The following SYCP2 variants were observed in gnomAD, a reference collection of about 807,000 sequenced individuals.
The protein encoded by SYCP2 is synaptonemal complex lateral element protein.
In SYCP2, 55 loss-of-function variants were observed where a neutral mutation model predicts 211.3. The observed-to-expected ratio is 0.26, with a 90% confidence interval of 0.21 to 0.33. The LOEUF is 0.33. Among genes scored for constraint, SYCP2 ranks in the 10% least tolerant of loss-of-function variants. The probability of loss-of-function intolerance (pLI) is 1.00; values close to 1 mark genes in which losing one functional copy is unlikely to be tolerated. For missense variants in SYCP2, 1,731 were observed against 1,752.0 expected (o/e 0.99, Z 0.21); for synonymous variants, 570 against 555.2 (o/e 1.03, Z -0.37).
In SYCP2 at chr20:59,864,364, G is replaced by A. The variant is rs763101543; in HGVS notation, c.4540C>T (p.Arg1514Cys). Residue 1514 changes from arginine (R) to cysteine (C), a missense_variant, in exon 45 of 45, where the codon CGC becomes TGC. By Grantham distance (180) the Arg-to-Cys change is radical (BLOSUM62 -3). This residue lies in a region of SYCP2 where 1,387 missense variants were observed against 1,351.3 expected (regional missense o/e 1.03). Transcript: ENST00000357552. ...ATGAATACTGACATCAGTTCTCTGCGTACATTAAGAAGCTCCTCTTCTAGC... is the reference window on the plus strand; with the variant it reads ...ATGAATACTGACATCAGTTCTCTGCATACATTAAGAAGCTCCTCTTCTAGC... The part of the protein sequence containing the change: ...DMLEEELLNV[R>C]RELMSVFMSH... 17 of 1,599,494 alleles carry A rather than the reference G, an allele frequency of 1.1e-5. No homozygotes were observed. The highest frequency in any genetic ancestry group is 4.5e-5 in the South Asian group (4 of 88,702).
chr20:59,922,296 TATCATTGCTAAAAACA>T, intron 3 of SYCP2, 78 bp downstream of exon 3: 1 of 1,122,842 alleles, frequency 8.9e-7, no homozygotes, highest in Non-Finnish European at 1.3e-6. Context: ...ATGTAAGCTT[TATCATTGCTAAAAACA>T]TAGCACTGAA....
At chr20:59,886,641 T>C in intron 25 of SYCP2, 66 bp downstream of exon 25, 1 of 1,232,788 alleles carries the variant, frequency 8.1e-7, no homozygotes. Context: ...AATTAACCTT[T>C]TTAAAATTGT....
intron 2 of SYCP2, among the ~76,000 whole-genome samples, chr20:59,930,023 C>G (rs1006255911): frequency 2.0e-5 from 3 of 152,098 alleles, no homozygotes; most frequent in Non-Finnish European, 2.9e-5. Context: ...GCTATGCGCT[C>G]TATATAGTGT....
chr20:59,930,430 C>T (rs1416066360), intron 2 of SYCP2, among the ~76,000 whole-genome samples: 1 of 152,194 alleles, frequency 6.6e-6, no homozygotes, highest in African/African-American at 2.4e-5. Flanking sequence ...AATCCTTCCC[C>T]TGCAAAGCAA....
intron 34 of SYCP2, among the ~76,000 whole-genome samples, chr20:59,874,414 T>C (rs1397698053): frequency 6.6e-6 from 1 of 152,080 alleles, no homozygotes; most frequent in Non-Finnish European, 1.5e-5. Flanking sequence ...CAAAATTTTA[T>C]GATTGAAAAA....
At chr20:59,927,256 G>A (rs913540671) in intron 2 of SYCP2, among the ~76,000 whole-genome samples, 1 of 152,118 alleles carries the variant, frequency 6.6e-6, no homozygotes, top group African/African-American at 2.4e-5. Flanking sequence ...CTTGTAAAGG[G>A]TTTTAATCTT....
At chr20:59,866,648 C>T in intron 39 of SYCP2, 59 bp from the exon 40 acceptor site, 1 of 1,096,270 alleles carries the variant, frequency 9.1e-7, no homozygotes, top group Non-Finnish European at 1.3e-6. Context: ...CTAACCAAGA[C>T]TACAGTAACA....
intron 18 of SYCP2, among the ~76,000 whole-genome samples, chr20:59,897,182 T>C (rs935974029): frequency 6.6e-6 from 1 of 152,016 alleles, no homozygotes; most frequent in Non-Finnish European, 1.5e-5. Context: ...GATGGTGACA[T>C]ACTGCATAGA....
At chr20:59,927,662 G>C (rs931489353) in intron 2 of SYCP2, among the ~76,000 whole-genome samples, 1 of 152,138 alleles carries the variant, frequency 6.6e-6, no homozygotes, top group African/African-American at 2.4e-5. Context: ...AAATGTTAGA[G>C]AGAAATACCT....
rs2059928569 is a variant in SYCP2, at chr20:59,892,613, T to C, written c.1882A>G (p.Asn628Asp). ...WTPVTNIELC[N>D]NQRASTSSGD... ...GACGAAGTACTTGCTCTTTGGTTAT[T>C]ACATAGTTCAATGTTTGTTACAGGT... is the stretch of plus-strand genomic sequence containing the variant. The change falls in exon 23 of 45, where the codon AAT (asparagine) becomes GAT (aspartate). Residue 628 changes from asparagine (N) to aspartate (D), a missense_variant. Physicochemically the swap from Asn to Asp is conservative, Grantham distance 23. This residue lies in a region of SYCP2 where 1,387 missense variants were observed against 1,351.3 expected (regional missense o/e 1.03). Coordinates refer to ENST00000357552, the MANE Select transcript of SYCP2 (RefSeq NM_014258.4). 2 of 1,610,236 alleles carry C rather than the reference T, an allele frequency of 1.2e-6. No homozygotes were observed. Among genetic ancestry groups the C allele is most frequent in the East Asian group, 4.5e-5 (2 of 44,722 alleles).
intron 38 of SYCP2, 109 bp from the exon 39 acceptor site, chr20:59,867,956 C>A: frequency 1.4e-6 from 1 of 724,858 alleles, no homozygotes; most frequent in South Asian, 2.1e-5. Flanking sequence ...CTATGTGTAA[C>A]CTAAGGATTA....
In SYCP2 at chr20:59,919,567, T is replaced by A. The variant is rs754707613; in HGVS notation, c.328A>T (p.Ile110Phe). The change falls in exon 6 of 45, where the codon ATT (isoleucine) becomes TTT (phenylalanine). Residue 110 changes from isoleucine (I) to phenylalanine (F), a missense_variant. Ile to Phe is a conservative substitution (Grantham distance 21). Coordinates refer to ENST00000357552, the MANE Select transcript of SYCP2 (RefSeq NM_014258.4). The part of the protein sequence containing the change: ...MVAWFEKSKD[I>F]IQSQGNSKDE... ...TTTGAATTTCCTTGACTCTGAATAA[T>A]GTCCTTGGATTTTTCAAACCAGGCA... The A allele has an allele frequency of 6.2e-7, 1 of 1,609,474 alleles. No individual in the cohort carries two copies. The highest frequency in any genetic ancestry group is 1.7e-5 in the Admixed American group (1 of 59,444).
chr20:59,885,078 AAG>A (rs2059760477), intron 26 of SYCP2: 1 of 152,044 alleles, frequency 6.6e-6, no homozygotes, highest in East Asian at 1.9e-4. Context: ...GGAGAAGAAA[AAG>A]AGAATACTTA....
In SYCP2 at chr20:59,875,280, C is replaced by T; in HGVS notation, c.3340G>A (p.Val1114Ile). The change falls in exon 34 of 45, where the codon GTA becomes ATA. Residue 1114 changes from valine to isoleucine, a missense_variant. Physicochemically the swap from Val to Ile is conservative, Grantham distance 29. Coordinates refer to ENST00000357552, the MANE Select transcript of SYCP2 (RefSeq NM_014258.4). Reference sequence around the variant, plus strand: ...ACAAAGTTATACTGACATCTCGTTACTTCTATAGATGATGGACTGCCAGAT... The same window carrying T: ...ACAAAGTTATACTGACATCTCGTTATTTCTATAGATGATGGACTGCCAGAT... ...SLSGSPSSIE[V>I]TRCIEKITEK... The T allele has an allele frequency of 2.5e-6, 4 of 1,603,752 alleles. No individual in the cohort carries two copies. Among genetic ancestry groups the T allele is most frequent in the Non-Finnish European group, 3.4e-6 (4 of 1,174,134 alleles).
At chr20:59,872,222 T>C (rs1270765386) in intron 35 of SYCP2, among the ~76,000 whole-genome samples, 1 of 151,998 alleles carries the variant, frequency 6.6e-6, no homozygotes, top group East Asian at 1.9e-4. Flanking sequence ...AAATGGAACA[T>C]TCCAGAAATC....
intron 35 of SYCP2, among the ~76,000 whole-genome samples, chr20:59,872,577 A>G (rs1416094121): frequency 1.3e-5 from 2 of 151,968 alleles, no homozygotes; most frequent in African/African-American, 4.8e-5. Context: ...TATGTATAGG[A>G]AAAAAAGATA....
At chr20:59,902,650 A>T (rs1374203494) in intron 15 of SYCP2, among the ~76,000 whole-genome samples, 1 of 152,188 alleles carries the variant, frequency 6.6e-6, no homozygotes, top group African/African-American at 2.4e-5. Context: ...AATGTCCTAT[A>T]GGCTATGAAA....
intron 40 of SYCP2, 50 bp from the exon 41 acceptor site, chr20:59,866,442 A>C: frequency 6.4e-7 from 1 of 1,560,592 alleles, no homozygotes; most frequent in Non-Finnish European, 8.8e-7. Context: ...AGCATTCAGA[A>C]TATAGGAATA....
intron 18 of SYCP2, among the ~76,000 whole-genome samples, chr20:59,897,623 A>C (rs988049485): frequency 6.6e-6 from 1 of 152,194 alleles, no homozygotes; most frequent in Non-Finnish European, 1.5e-5. Context: ...TTCATGTGCT[A>C]ATTATCTCGG....
Sources: allele counts gnomAD v4.1 joint callset (sites outside exome capture counted in the v4.1 genomes callset), GRCh38; gene constraint gnomAD v4.1.1; regional missense constraint gnomAD v4.1.1; transcripts MANE v1.5; gene names NCBI Gene and HGNC (gene_info 2026-07-23, HGNC 2026-07-21).